Variants in GOLGA4 observed in about 807,000 individuals in gnomAD.
GOLGA4 encodes the protein golgin A4, also known as golgin subfamily A member 4.
In GOLGA4, 169 loss-of-function variants were observed where a neutral mutation model predicts 265.9. That is an observed-to-expected ratio of 0.64 (90% CI 0.56 to 0.72). The LOEUF (loss-of-function observed/expected upper bound fraction) is 0.72, where lower values mean the gene tolerates loss of function less well. Ranked by LOEUF, GOLGA4 falls within the 30% of genes least tolerant of loss-of-function variation. The pLI, the probability that GOLGA4 is intolerant of heterozygous loss-of-function variation, is 0.00. For missense variants in GOLGA4, 2,482 were observed against 2,483.4 expected (o/e 1.00, Z 0.01); for synonymous variants, 923 against 855.8 (o/e 1.08, Z -1.37).
intron 2 of GOLGA4, among the ~76,000 whole-genome samples, chr3:37,271,318 C>G (rs2096798076): frequency 6.6e-6 from 1 of 152,116 alleles, no homozygotes; most frequent in Non-Finnish European, 1.5e-5. Flanking sequence ...AGGTAGATGC[C>G]ATGTAGGCAA....
intron 2 of GOLGA4, among the ~76,000 whole-genome samples, chr3:37,257,333 A>G (rs2096751658): frequency 6.6e-6 from 1 of 152,122 alleles, no homozygotes; most frequent in Non-Finnish European, 1.5e-5. Context: ...TAAGACCTGG[A>G]ATAGACTGGT....
intron 2 of GOLGA4, among the ~76,000 whole-genome samples, chr3:37,252,547 C>T (rs1393781731): frequency 2.6e-5 from 4 of 152,070 alleles, no homozygotes. Context: ...TGATGGTTTT[C>T]CAGAGTGGTT....
chr3:37,269,832 ATGT>A (rs1390061394), intron 2 of GOLGA4, among the ~76,000 whole-genome samples: 1 of 150,218 alleles, frequency 6.7e-6, no homozygotes, highest in African/African-American at 2.5e-5. Flanking sequence ...AAGTTTTTAA[ATGT>A]TGTTCTCTGT....
chr3:37,287,824 A>G (rs2096853884), intron 4 of GOLGA4, among the ~76,000 whole-genome samples: 2 of 152,172 alleles, frequency 1.3e-5, no homozygotes, highest in South Asian at 2.1e-4. Context: ...AGTCCCCACA[A>G]TACAATCCAG....
intron 10 of GOLGA4, among the ~76,000 whole-genome samples, chr3:37,306,497 T>C (rs2096906470): frequency 7.7e-6 from 1 of 130,670 alleles, no homozygotes; most frequent in African/African-American, 3.2e-5. Flanking sequence ...TTCTTGGCTG[T>C]TCTCTGTGTG....
At chr3:37,300,789 A>G (rs935509207) in intron 9 of GOLGA4, among the ~76,000 whole-genome samples, 1 of 152,242 alleles carries the variant, frequency 6.6e-6, no homozygotes, top group Middle Eastern at 3.2e-3. Context: ...TAATTTTAAA[A>G]TATGACCTGC....
rs750957875 is a variant in GOLGA4 at position 37,282,187 on chromosome 3, C to A, written c.392C>A (p.Ser131Ter). The change falls in exon 3 of 24, where the codon TCA becomes TAA. Residue 131 changes from serine (S) to a stop codon, truncating the protein, a stop_gained. Coordinates refer to ENST00000361924, the MANE Select transcript of GOLGA4 (RefSeq NM_002078.5). LOFTEE classifies it high-confidence loss of function. ...GAGGCTGAAGACTTGGTAGGGAATTCAGACAGTCTCAACAAAGAACAGTTG... is the reference window on the plus strand; with the variant it reads ...GAGGCTGAAGACTTGGTAGGGAATTAAGACAGTCTCAACAAAGAACAGTTG... ...DSEAEDLVGN[S>*]DSLNKEQLIQ... is the part of the protein sequence containing the mutation. 1 of 1,614,128 alleles carries A rather than the reference C, an allele frequency of 6.2e-7. No homozygotes were observed. The highest frequency in any genetic ancestry group is 1.1e-5 in the South Asian group (1 of 91,078).
At chr3:37,299,062 G>A in intron 8 of GOLGA4, 42 bp downstream of exon 8, 1 of 1,466,556 alleles carries the variant, frequency 6.8e-7, no homozygotes, top group Non-Finnish European at 9.3e-7. Flanking sequence ...AATCTATAAA[G>A]TTAGATCCAC....
intron 14 of GOLGA4, among the ~76,000 whole-genome samples, chr3:37,328,198 A>G (rs1892795): frequency 1.1e-4 from 17 of 151,472 alleles, no homozygotes; most frequent in Non-Finnish European, 2.1e-4. Context: ...CCCCAGGACC[A>G]CTACTTAGAG....
At chr3:37,301,515 A>G (rs1284727777) in intron 9 of GOLGA4, among the ~76,000 whole-genome samples, 8 of 152,260 alleles carry the variant, frequency 5.3e-5, no homozygotes, top group Non-Finnish European at 4.4e-5. Context: ...TGTAGTGCCA[A>G]GCCAGGTTCA....
intron 1 of GOLGA4, 125 bp downstream of exon 1, chr3:37,243,747 A>G (rs543741773): frequency 1.2e-5 from 9 of 753,712 alleles, no homozygotes; most frequent in African/African-American, 1.1e-4. Context: ...CACTTTTCCC[A>G]AACTCCGGAC....
chr3:37,362,949 A>G (rs1207193220), intron 23 of GOLGA4, among the ~76,000 whole-genome samples: 5 of 150,898 alleles, frequency 3.3e-5, no homozygotes, highest in Non-Finnish European at 7.4e-5. Flanking sequence ...TGCCCAGCTA[A>G]TTTTTTGTAT....
chr3:37,341,974 C>T (rs186658531), intron 20 of GOLGA4, among the ~76,000 whole-genome samples: 85 of 152,300 alleles, frequency 5.6e-4, no homozygotes, highest in Non-Finnish European at 5.3e-4. Flanking sequence ...CTTATCTGCT[C>T]ATTTAATCCT....
In GOLGA4 at chr3:37,296,132, G is replaced by A. The variant is rs1436606013; in HGVS notation, c.727G>A (p.Asp243Asn). ...QRLRNGPMNV[D>N]VLKPLPQLEP... ...ATTACGAAATGGCCCGATGAATGTT[G>A]ATGTACTGAAACCACTTCCTCAGCT... The change falls in exon 7 of 24, where the codon GAT becomes AAT. Residue 243 changes from aspartate to asparagine, a missense_variant. Around this residue, in one of 3 missense-constraint regions of GOLGA4, gnomAD observed 1,536 missense variants for 1,483.7 expected, o/e 1.04. Transcript: ENST00000361924. The A allele has an allele frequency of 6.2e-7, 1 of 1,613,514 alleles. No individual in the cohort carries two copies. Among genetic ancestry groups the A allele is most frequent in the South Asian group, 1.1e-5 (1 of 91,056 alleles).
intron 22 of GOLGA4, among the ~76,000 whole-genome samples, chr3:37,360,328 A>G (rs563171762): frequency 5.3e-5 from 8 of 152,160 alleles, no homozygotes; most frequent in Non-Finnish European, 7.4e-5. Flanking sequence ...CAAGATTTTC[A>G]GTACTTTACA....
In GOLGA4 at chr3:37,307,311, A is replaced by C. The variant is rs145882206; in HGVS notation, c.1234+4979A>C. ...CACCAAAAGAAATTCATTAGAACAT[A>C]TTTATTTGATGTTTGAAGGACTCTT... On this transcript the variant is annotated intron_variant, in intron 10 of 23. Transcript: ENST00000361924. 7.1e-3 allele frequency among the ~76,000 whole-genome samples: 1,079 copies of C among 152,358 alleles called. 10 individuals carry two copies. Among genetic ancestry groups the C allele is most frequent in the Non-Finnish European group, 0.011 (760 of 68,020 alleles).
At chr3:37,281,136 A>G (rs1485055785) in intron 2 of GOLGA4, among the ~76,000 whole-genome samples, 1 of 152,194 alleles carries the variant, frequency 6.6e-6, no homozygotes, top group Non-Finnish European at 1.5e-5. Flanking sequence ...AATACTGCTT[A>G]GAACAGTTAG....
intron 10 of GOLGA4, among the ~76,000 whole-genome samples, chr3:37,307,226 T>G (rs1490488204): frequency 6.6e-6 from 1 of 152,222 alleles, no homozygotes. Context: ...TTTTTTATTG[T>G]CATGTTGTGT....
At chr3:37,271,682 A>C (rs2096799134) in intron 2 of GOLGA4, among the ~76,000 whole-genome samples, 1 of 152,108 alleles carries the variant, frequency 6.6e-6, no homozygotes, top group Admixed American at 6.6e-5. Flanking sequence ...TGGATATTTG[A>C]AGCAAATTTC....
Sources: gnomAD v4.1 joint callset for allele counts (sites outside exome capture counted in the v4.1 genomes callset) on GRCh38, gnomAD v4.1.1 for gene constraint, gnomAD v4.1.1 regional missense constraint, MANE v1.5 for transcripts, NCBI Gene and HGNC (gene_info 2026-07-23, HGNC 2026-07-21) for gene names.